WDPCP: variants seen among roughly 807,000 people sequenced by gnomAD.
WDPCP encodes the protein WD repeat-containing and planar cell polarity effector protein fritz homolog.
In WDPCP, 71 loss-of-function variants were observed where a neutral mutation model predicts 93.1. The ratio of observed to expected loss-of-function variants is 0.76; its 90% CI spans 0.63 to 0.93. The LOEUF is 0.93. WDPCP is among the 40% of genes least tolerant of loss of function. The pLI is 0.00. For missense variants in WDPCP, 844 were observed against 887.4 expected (o/e 0.95, Z 0.62); for synonymous variants, 315 against 315.0 (o/e 1.00, Z 0.00).
chr2:63,157,307 G>GT (rs1223157325), intron 15 of WDPCP, among the ~76,000 whole-genome samples: 5 of 151,764 alleles, frequency 3.3e-5, no homozygotes, highest in African/African-American at 7.3e-5. Context: ...GTAGTCTATA[G>GT]TTTTTTGTAC....
At chr2:63,217,411 T>C (rs1336594658) in intron 14 of WDPCP, among the ~76,000 whole-genome samples, 2 of 152,182 alleles carry the variant, frequency 1.3e-5, no homozygotes, top group Non-Finnish European at 2.9e-5. Context: ...ACCTCTGCTT[T>C]AAAATATTTC....
intron 2 of WDPCP, among the ~76,000 whole-genome samples, chr2:63,684,113 C>G (rs1668771436): frequency 6.6e-6 from 1 of 152,088 alleles, no homozygotes; most frequent in Admixed American, 6.5e-5. Flanking sequence ...ACACTATAGA[C>G]CAAATAAACC....
chr2:63,143,164 T>C (rs1247000086), intron 17 of WDPCP, among the ~76,000 whole-genome samples: 2 of 152,160 alleles, frequency 1.3e-5, no homozygotes, highest in African/African-American at 2.4e-5. Context: ...TTTTTACCAT[T>C]ATATAATGTC....
At chr2:63,178,442 G>A (rs1433849842) in intron 14 of WDPCP, among the ~76,000 whole-genome samples, 1 of 152,126 alleles carries the variant, frequency 6.6e-6, no homozygotes, top group African/African-American at 2.4e-5. Context: ...GGTTAGTTGT[G>A]TGTTTAAAAG....
intron 14 of WDPCP, among the ~76,000 whole-genome samples, chr2:63,249,795 A>G (rs1680573828): frequency 6.6e-6 from 1 of 152,202 alleles, no homozygotes; most frequent in Non-Finnish European, 1.5e-5. Flanking sequence ...AATGCTTGAA[A>G]TAGCAGATAT....
Position 63,313,286 on chromosome 2 carries a change from G to T in WDPCP, c.1774C>A (p.Leu592Ile). ...LRYQRFEKAF[L>I]LAVDVGARDL... The stretch of plus-strand genomic sequence containing the variant: ...CGAGCACCAACGTCAACAGCTAGGA[G>T]AAATGCCTTTTCAAACCTCTGGTAC... Residue 592 changes from leucine (L) to isoleucine (I), a missense_variant, in exon 13 of 18, where the codon CTC (leucine) becomes ATC (isoleucine). Physicochemically the swap from Leu to Ile is conservative, Grantham distance 5 (BLOSUM62 2). Transcript: ENST00000272321. 1 of 1,613,734 alleles carries T rather than the reference G, an allele frequency of 6.2e-7. No individual in the cohort carries two copies. Among genetic ancestry groups the T allele is most frequent in the Non-Finnish European group, 8.5e-7 (1 of 1,179,742 alleles).
At chr2:63,420,361 T>TAAAAAAA (rs60889615) in intron 9 of WDPCP, among the ~76,000 whole-genome samples, 192 of 120,516 alleles carry the variant, frequency 1.6e-3, no homozygotes, top group African/African-American at 3.7e-3. Flanking sequence ...CATCTTTACT[T>TAAAAAAA]AAAAAAAAAA....
intron 6 of WDPCP, among the ~76,000 whole-genome samples, chr2:63,451,848 T>C (rs189129411): frequency 0.017 from 2,515 of 152,302 alleles, 82 homozygotes; most frequent in African/African-American, 0.058. Context: ...AAAAACCACA[T>C]GATTATCTCA....
chr2:63,523,176 T>A (rs554892738), intron 1 of WDPCP, among the ~76,000 whole-genome samples: 1 of 152,284 alleles, frequency 6.6e-6, no homozygotes, highest in Non-Finnish European at 1.5e-5. Flanking sequence ...CTAAATGTGA[T>A]TCATCACATA....
intron 1 of WDPCP, among the ~76,000 whole-genome samples, chr2:63,525,915 T>C (rs1344071504): frequency 6.6e-6 from 1 of 152,182 alleles, no homozygotes; most frequent in Non-Finnish European, 1.5e-5. Context: ...TATAGGTAAG[T>C]CCCAAGTCAC....
intron 6 of WDPCP, among the ~76,000 whole-genome samples, chr2:63,451,679 G>A (rs988146418): frequency 6.6e-6 from 1 of 152,136 alleles, no homozygotes; most frequent in African/African-American, 2.4e-5. Context: ...GATGAACACT[G>A]ATGCAAAAAT....
At chr2:63,321,386 CTGTGTGTGTGTGTGTGTGTG>C (rs59970085) in intron 12 of WDPCP, among the ~76,000 whole-genome samples, 53 of 148,634 alleles carry the variant, frequency 3.6e-4, no homozygotes, top group African/African-American at 1.2e-3. Context: ...TATATACACT[CTGTGTGTGTGTGTGTGTGTG>C]TGTGTGTGTG....
chr2:63,600,560 G>A (rs1296501769), intron 3 of WDPCP, among the ~76,000 whole-genome samples: 1 of 152,164 alleles, frequency 6.6e-6, no homozygotes. Context: ...GATTAAATAA[G>A]ATCTGTTTTA....
chr2:63,250,996 C>G (rs1680668095), intron 14 of WDPCP, among the ~76,000 whole-genome samples: 1 of 152,162 alleles, frequency 6.6e-6, no homozygotes, highest in Non-Finnish European at 1.5e-5. Flanking sequence ...GTTTATAGAA[C>G]TAAACGCCTG....
intron 6 of WDPCP, among the ~76,000 whole-genome samples, chr2:63,475,252 C>T (rs1222260478): frequency 6.6e-6 from 1 of 152,072 alleles, no homozygotes; most frequent in South Asian, 2.1e-4. Context: ...TTAATTTGTG[C>T]TTATCAAAAG....
intron 1 of WDPCP, among the ~76,000 whole-genome samples, chr2:63,578,743 T>C (rs1708284092): frequency 6.6e-6 from 1 of 152,222 alleles, no homozygotes; most frequent in African/African-American, 2.4e-5. Flanking sequence ...AGTTAGGTTA[T>C]TGATAAAACA....
At chr2:63,383,816 A>G (rs1297142065) in intron 10 of WDPCP, among the ~76,000 whole-genome samples, 1 of 152,192 alleles carries the variant, frequency 6.6e-6, no homozygotes, top group Non-Finnish European at 1.5e-5. Flanking sequence ...AATACTTGAA[A>G]AACACTATCA....
chr2:63,774,458 C>T (rs1670272981), intron 2 of WDPCP, among the ~76,000 whole-genome samples: 2 of 152,152 alleles, frequency 1.3e-5, no homozygotes, highest in East Asian at 3.9e-4. Context: ...CTCAACTCTT[C>T]CCAAGATTTT....
intron 9 of WDPCP, among the ~76,000 whole-genome samples, chr2:63,412,719 TC>T (rs1397801954): frequency 1.3e-5 from 2 of 151,672 alleles, no homozygotes; most frequent in Non-Finnish European, 3.0e-5. Context: ...AATCAGTAGT[TC>T]TATACAACAG....
Sources: gnomAD v4.1 joint callset for allele counts (sites outside exome capture counted in the v4.1 genomes callset) on GRCh38, gnomAD v4.1.1 for gene constraint, MANE v1.5 for transcripts, NCBI Gene and HGNC (gene_info 2026-07-23, HGNC 2026-07-21) for gene names.